DEPTOR: variants seen among roughly 807,000 people sequenced by gnomAD.
DEPTOR encodes the protein DEP domain-containing mTOR-interacting protein.
In DEPTOR, 41 loss-of-function variants were observed where a neutral mutation model predicts 41.6. The ratio of observed to expected loss-of-function variants is 0.98; its 90% CI spans 0.77 to 1.28. The LOEUF is 1.28. DEPTOR is among the 50% of genes most tolerant of loss of function. The probability of loss-of-function intolerance (pLI) is 0.00; values close to 1 mark genes in which losing one functional copy is unlikely to be tolerated. For synonymous variants in DEPTOR, 195 were observed against 192.3 expected (o/e 1.01, Z -0.12); for missense variants, 514 against 527.9 (o/e 0.97, Z 0.26).
chr8:119,966,087 G>GT (rs1828554731), intron 4 of DEPTOR, among the ~76,000 whole-genome samples: 1 of 152,260 alleles, frequency 6.6e-6, no homozygotes, highest in South Asian at 2.1e-4. Flanking sequence ...ACAGTACAAT[G>GT]TAACAACTAC....
chr8:119,904,554 G>A (rs1438555916), intron 1 of DEPTOR, among the ~76,000 whole-genome samples: 1 of 151,958 alleles, frequency 6.6e-6, no homozygotes, highest in Non-Finnish European at 1.5e-5. Flanking sequence ...CAGAGCAGTG[G>A]TGTGATCTTG....
chr8:119,989,239 G>A (rs912581688), intron 4 of DEPTOR, among the ~76,000 whole-genome samples: 3 of 152,008 alleles, frequency 2.0e-5, no homozygotes, highest in Non-Finnish European at 4.4e-5. Flanking sequence ...GGGCTCAAGT[G>A]ACCCTTGTGC....
chr8:119,974,546 A>T (rs28658252), intron 4 of DEPTOR, among the ~76,000 whole-genome samples: 112,866 of 151,972 alleles, frequency 0.74, 42,065 homozygotes, highest in Middle Eastern at 0.86. Context: ...CTGAGGCGAG[A>T]GAATCACTTG....
At chr8:120,017,051 G>A (rs1812623669) in intron 8 of DEPTOR, among the ~76,000 whole-genome samples, 1 of 152,090 alleles carries the variant, frequency 6.6e-6, no homozygotes, top group South Asian at 2.1e-4. Context: ...TCTAAATGTA[G>A]AGCCCTTGTC....
At chr8:119,914,714 A>G (rs1019960112) in intron 1 of DEPTOR, among the ~76,000 whole-genome samples, 1 of 152,234 alleles carries the variant, frequency 6.6e-6, no homozygotes, top group African/African-American at 2.4e-5. Flanking sequence ...TGCTGGGATG[A>G]CAGGCGTGAG....
In DEPTOR at chr8:119,902,430, C is replaced by A. The variant is rs528593519; in HGVS notation, c.123-25970C>A. ...TCTCAGCTCACTGCAGCCTCTGCCT[C>A]CCTGGTTCAAGCGATTCTCCTGTCT... On this transcript the variant is annotated intron_variant, in intron 1 of 8. Transcript: ENST00000286234. Among the ~76,000 whole-genome samples the A allele has an allele frequency of 3.3e-5, 5 of 152,216 alleles. No homozygotes were observed. The East Asian group carries it at 9.7e-4, about 29-fold the overall frequency.
chr8:120,034,034 TCC>T (rs919028540), intron 8 of DEPTOR, among the ~76,000 whole-genome samples: 2 of 152,002 alleles, frequency 1.3e-5, no homozygotes, highest in African/African-American at 4.8e-5. Flanking sequence ...ACTATTGCAC[TCC>T]AGTCTGGGTG....
chr8:120,050,382 C>T lies in DEPTOR; in HGVS notation c.*678C>T, dbSNP rs1261632915. The T allele has an allele frequency of 6.6e-6, 1 of 151,856 alleles. No individual in the cohort carries two copies. The highest frequency in any genetic ancestry group is 1.5e-5 in the Non-Finnish European group (1 of 67,986). 9.4% of individuals were successfully genotyped at this position (151,856 alleles called of 1,614,324 possible). On this transcript the variant is annotated 3_prime_UTR_variant, in exon 9 of 9. Transcript: ENST00000286234. Reference sequence around the variant, plus strand: ...AGAGACTACATGAAATTGTGTGCCCCTATTTTCTTTCTGATCCTAAATCAT... The same window carrying T: ...AGAGACTACATGAAATTGTGTGCCCTTATTTTCTTTCTGATCCTAAATCAT...
chr8:119,873,796 C>A lies in DEPTOR; in HGVS notation c.-51C>A, dbSNP rs1563952920. Reference sequence around the variant, plus strand: ...GTGAGGGCAGACTGATCCGAGCACCCAAACCCTCGGCGGACAGCGGAGCCA... The same window carrying A: ...GTGAGGGCAGACTGATCCGAGCACCAAAACCCTCGGCGGACAGCGGAGCCA... On this transcript the variant is annotated 5_prime_UTR_variant, in exon 1 of 9. Transcript: ENST00000286234. 2 of 1,604,216 alleles carry A rather than the reference C, an allele frequency of 1.2e-6. No individual in the cohort carries two copies.
intron 1 of DEPTOR, among the ~76,000 whole-genome samples, chr8:119,889,524 G>A (rs911873703): frequency 6.8e-6 from 1 of 148,016 alleles, no homozygotes. Context: ...TCCAGCCTGG[G>A]TGACAGAGCG....
chr8:119,902,826 G>A (rs1238292169), intron 1 of DEPTOR, among the ~76,000 whole-genome samples: 1 of 152,196 alleles, frequency 6.6e-6, no homozygotes, highest in Non-Finnish European at 1.5e-5. Flanking sequence ...TAGTTCTTAT[G>A]TGTTCAAGGG....
chr8:120,000,400 G>A (rs563458967), intron 4 of DEPTOR, among the ~76,000 whole-genome samples: 96 of 152,188 alleles, frequency 6.3e-4, no homozygotes, highest in African/African-American at 2.3e-3. Context: ...GAATCATACA[G>A]TGTGTGGTCT....
intron 1 of DEPTOR, among the ~76,000 whole-genome samples, chr8:119,923,035 C>G (rs1456900940): frequency 6.6e-6 from 1 of 151,560 alleles, no homozygotes; most frequent in Non-Finnish European, 1.5e-5. Flanking sequence ...AGAACTGAAC[C>G]TCATTGGCTT....
At chr8:119,938,889 CTCTT>C (rs766835185) in intron 3 of DEPTOR, among the ~76,000 whole-genome samples, 3 of 135,710 alleles carry the variant, frequency 2.2e-5, no homozygotes, top group East Asian at 2.2e-4. Context: ...CCCTCTCTCT[CTCTT>C]TCTCTTTCTC....
chr8:119,962,086 C>CAAA (rs772605916), intron 3 of DEPTOR, among the ~76,000 whole-genome samples: 6 of 48,170 alleles, frequency 1.2e-4, no homozygotes, highest in Admixed American at 2.6e-4. Flanking sequence ...ACTAAAAATA[C>CAAA]AAAAAAAAAA....
chr8:119,930,121 A>C (rs1053299813), intron 3 of DEPTOR, among the ~76,000 whole-genome samples, 183 bp downstream of exon 3: 1 of 152,230 alleles, frequency 6.6e-6, no homozygotes, highest in Non-Finnish European at 1.5e-5. Flanking sequence ...AGTCAATTTC[A>C]TAAGGTTCTT....
Position 120,049,566 on chromosome 8 carries a change from T to C in DEPTOR, c.1102-10T>C, listed in dbSNP as rs1327899857. On this transcript the variant is annotated splice_polypyrimidine_tract_variant and intron_variant, in intron 8 of 8. Transcript: ENST00000286234. Reference sequence around the variant, plus strand: ...ATAATAGATGCTCTTTCTTTGCATCTTTCCTTTAGGTCTGTCAGTTTGTCG... The same window carrying C: ...ATAATAGATGCTCTTTCTTTGCATCCTTCCTTTAGGTCTGTCAGTTTGTCG... 6.2e-7 allele frequency: 1 copy of C among 1,612,136 alleles called. No individual in the cohort carries two copies. Among genetic ancestry groups the C allele is most frequent in the Non-Finnish European group, 8.5e-7 (1 of 1,178,650 alleles).
intron 8 of DEPTOR, among the ~76,000 whole-genome samples, chr8:120,024,272 C>T (rs151203987): frequency 6.6e-6 from 1 of 152,154 alleles, no homozygotes; most frequent in African/African-American, 2.4e-5. Flanking sequence ...AAAGACACCT[C>T]TGGAAGTGGC....
At chr8:119,874,278 C>T (rs1827204253) in intron 1 of DEPTOR, 2 of 378,866 alleles carry the variant, frequency 5.3e-6, no homozygotes, top group Admixed American at 5.2e-5. Context: ...TGTCCGTCTT[C>T]CCGTGTACCT....
Sources: allele counts gnomAD v4.1 joint callset (sites outside exome capture counted in the v4.1 genomes callset), GRCh38; gene constraint gnomAD v4.1.1; transcripts MANE v1.5; gene names NCBI Gene and HGNC (gene_info 2026-07-23, HGNC 2026-07-21).